SLC12A8: variants seen among roughly 807,000 people sequenced by gnomAD.
SLC12A8 encodes the protein cation-chloride cotransporter 9.
In SLC12A8, 69 loss-of-function variants were observed where a neutral mutation model predicts 75.6. The ratio of observed to expected loss-of-function variants is 0.91; its 90% CI spans 0.75 to 1.11. The LOEUF is 1.11. Among genes scored for constraint, SLC12A8 ranks in the 50% most tolerant of loss-of-function variants. The probability of loss-of-function intolerance (pLI) is 0.00; values close to 1 mark genes in which losing one functional copy is unlikely to be tolerated. For synonymous variants in SLC12A8, 365 were observed against 372.8 expected, an observed-to-expected ratio of 0.98 and a Z score of 0.24; for missense variants, 877 against 896.7, an observed-to-expected ratio of 0.98 and a Z score of 0.28.
chr3:125,187,228 A>G lies in SLC12A8; in HGVS notation c.390+9T>C, dbSNP rs1217259950. On this transcript the variant is annotated intron_variant, in intron 4 of 13. Transcript: ENST00000469902. ...CAGGCAGGGGAAGCATCCCGGGCGC[A>G]GGCCTCACCTGTCCAAACACATAGA... The G allele has an allele frequency of 1.2e-6, 2 of 1,609,548 alleles. No homozygotes were observed. The highest frequency in any genetic ancestry group is 8.5e-7 in the Non-Finnish European group (1 of 1,176,168).
intron 3 of SLC12A8, among the ~76,000 whole-genome samples, chr3:125,190,115 C>T (rs1244753261): frequency 1.3e-5 from 2 of 152,206 alleles, no homozygotes; most frequent in Non-Finnish European, 2.9e-5. Flanking sequence ...AAGTCCGGCT[C>T]ATGATGAGCC....
At chr3:125,163,908 C>T (rs923733861) in intron 5 of SLC12A8, among the ~76,000 whole-genome samples, 3 of 152,198 alleles carry the variant, frequency 2.0e-5, no homozygotes, top group Non-Finnish European at 4.4e-5. Flanking sequence ...GAGCTGGGAG[C>T]GCCCCTGCCT....
At chr3:125,198,751 T>C (rs1935055805) in intron 2 of SLC12A8, among the ~76,000 whole-genome samples, 2 of 151,868 alleles carry the variant, frequency 1.3e-5, no homozygotes, top group South Asian at 4.2e-4. Context: ...GGTAAAATTT[T>C]AATGTAGAGC....
At chr3:125,123,783 G>C (rs550916059) in intron 6 of SLC12A8, among the ~76,000 whole-genome samples, 1 of 152,260 alleles carries the variant, frequency 6.6e-6, no homozygotes, top group South Asian at 2.1e-4. Context: ...GGTGAGATTT[G>C]AGTGGGGACA....
chr3:125,128,027 C>A (rs899489403), intron 6 of SLC12A8, among the ~76,000 whole-genome samples: 2 of 151,858 alleles, frequency 1.3e-5, no homozygotes, highest in Non-Finnish European at 2.9e-5. Flanking sequence ...CAGGCATGTA[C>A]CATGCTTGGC....
chr3:125,129,001 A>G (rs1314813675), intron 6 of SLC12A8, among the ~76,000 whole-genome samples: 1 of 152,186 alleles, frequency 6.6e-6, no homozygotes, highest in Non-Finnish European at 1.5e-5. Flanking sequence ...GGGAGGTCAA[A>G]GGGCATCACA....
chr3:125,117,506 G>T (rs1000143584), intron 8 of SLC12A8, among the ~76,000 whole-genome samples: 1 of 152,040 alleles, frequency 6.6e-6, no homozygotes, highest in South Asian at 2.1e-4. Flanking sequence ...TGAGGTGGGA[G>T]AATCACCTGA....
chr3:125,201,917 A>ATT (rs56202034), intron 2 of SLC12A8, among the ~76,000 whole-genome samples: 7 of 151,678 alleles, frequency 4.6e-5, no homozygotes, highest in African/African-American at 1.2e-4. Context: ...TTTTAATTTA[A>ATT]TTTTTTTTGA....
At position 125,186,668 on chromosome 3, in the gene SLC12A8, G is replaced by A. The variant is rs562697646; in HGVS notation, c.390+569C>T. 6.6e-5 allele frequency among the ~76,000 whole-genome samples: 10 copies of A among 152,306 alleles called. No individual in the cohort carries two copies. The East Asian group carries it at 1.5e-3, about 24-fold the overall frequency. ...CCTTAGGATTTCCCCCTACTCGCTC[G>A]TTTTCGGAGTGCCTCCGTCCATTCT... is the stretch of plus-strand genomic sequence containing the variant. On this transcript the variant is annotated intron_variant, in intron 4 of 13. Transcript: ENST00000469902.
At chr3:125,108,317 A>G (rs955675464) in intron 9 of SLC12A8, among the ~76,000 whole-genome samples, 191 bp from the exon 10 acceptor site, 1 of 152,110 alleles carries the variant, frequency 6.6e-6, no homozygotes, top group Non-Finnish European at 1.5e-5. Flanking sequence ...AATGCTTCAC[A>G]CAGACTGACA....
chr3:125,198,398 C>T (rs948146238), intron 2 of SLC12A8, among the ~76,000 whole-genome samples: 3 of 152,178 alleles, frequency 2.0e-5, no homozygotes, highest in African/African-American at 7.2e-5. Context: ...CTTTGGGAGG[C>T]TGAGGTGGGT....
At chr3:125,135,518 T>TA (rs1933465174) in intron 6 of SLC12A8, 151 bp downstream of exon 6, 1 of 500,156 alleles carries the variant, frequency 2.0e-6, no homozygotes, top group African/African-American at 1.9e-5. Flanking sequence ...CATAAACAGA[T>TA]AAAATAACAA....
At chr3:125,203,715 A>G (rs945469115) in intron 2 of SLC12A8, among the ~76,000 whole-genome samples, 1 of 152,270 alleles carries the variant, frequency 6.6e-6, no homozygotes, top group Non-Finnish European at 1.5e-5. Flanking sequence ...AAGCACAGGC[A>G]ACAGAAACAA....
chr3:125,154,856 G>A (rs1934011693), intron 5 of SLC12A8: 1 of 152,162 alleles, frequency 6.6e-6, no homozygotes, highest in African/African-American at 2.4e-5. Context: ...ATGATAAAAC[G>A]CCTACGTGAC....
intron 5 of SLC12A8, among the ~76,000 whole-genome samples, chr3:125,146,129 C>G (rs896201319): frequency 6.6e-6 from 1 of 152,204 alleles, no homozygotes; most frequent in African/African-American, 2.4e-5. Context: ...TGCGCCTGGC[C>G]CAAAATACCT....
intron 5 of SLC12A8, among the ~76,000 whole-genome samples, chr3:125,154,043 C>T (rs766205940): frequency 4.6e-5 from 7 of 152,112 alleles, no homozygotes; most frequent in East Asian, 1.9e-4. Context: ...TCACCATGCC[C>T]GGCCAGATGA....
intron 8 of SLC12A8, among the ~76,000 whole-genome samples, chr3:125,114,082 T>C (rs1446520482): frequency 6.6e-6 from 1 of 152,196 alleles, no homozygotes; most frequent in African/African-American, 2.4e-5. Context: ...TCTAGAGTCA[T>C]GAGTTTCCTA....
intron 5 of SLC12A8, among the ~76,000 whole-genome samples, chr3:125,155,597 C>G (rs1350278694): frequency 3.5e-5 from 2 of 57,324 alleles, no homozygotes; most frequent in South Asian, 6.0e-4. Flanking sequence ...CGGTGAAACC[C>G]TGTCTCTACT....
chr3:125,176,240 T>G (rs1221151359), intron 5 of SLC12A8, among the ~76,000 whole-genome samples: 1 of 152,172 alleles, frequency 6.6e-6, no homozygotes, highest in Non-Finnish European at 1.5e-5. Context: ...TAAATAATTT[T>G]TTTTGTATTT....
Sources: allele counts gnomAD v4.1 joint callset (sites outside exome capture counted in the v4.1 genomes callset), GRCh38; gene constraint gnomAD v4.1.1; transcripts MANE v1.5; gene names NCBI Gene and HGNC (gene_info 2026-07-23, HGNC 2026-07-21).